Variants in FAM193A observed in about 807,000 individuals in gnomAD.
The protein encoded by FAM193A is protein FAM193A.
In FAM193A, 22 loss-of-function variants were observed where a neutral mutation model predicts 126.5. The ratio of observed to expected loss-of-function variants is 0.17; its 90% CI spans 0.12 to 0.25. FAM193A has a LOEUF of 0.25. FAM193A is among the 10% of genes least tolerant of loss of function. The probability of loss-of-function intolerance (pLI) is 1.00; values close to 1 mark genes in which losing one functional copy is unlikely to be tolerated. For synonymous variants in FAM193A, 761 were observed against 646.8 expected, an observed-to-expected ratio of 1.18 and a Z score of -2.68; for missense variants, 1,675 against 1,672.8, an observed-to-expected ratio of 1.00 and a Z score of -0.02.
In FAM193A at chr4:2,692,344, C is replaced by T. The variant is rs573869353; in HGVS notation, c.2804-1242C>T. 5.3e-5 allele frequency among the ~76,000 whole-genome samples: 8 copies of T among 152,320 alleles called. No homozygotes were observed. In the East Asian group the frequency reaches 7.7e-4, roughly 15 times the overall value. ...AACAGCATGGGGGAAACCATCCCCACGCTTCAGTTGTTTCCACTGGGTCCC... is the reference window on the plus strand; with the variant it reads ...AACAGCATGGGGGAAACCATCCCCATGCTTCAGTTGTTTCCACTGGGTCCC... On this transcript the variant is annotated intron_variant, in intron 15 of 20. Coordinates refer to ENST00000637812, the MANE Select transcript of FAM193A (RefSeq NM_001366318.2).
At chr4:2,665,195 A>G (rs1712970813) in intron 12 of FAM193A, among the ~76,000 whole-genome samples, 1 of 152,216 alleles carries the variant, frequency 6.6e-6, no homozygotes, top group African/African-American at 2.4e-5. Flanking sequence ...TGTCTGGAAT[A>G]TATAAGTATT....
intron 1 of FAM193A, among the ~76,000 whole-genome samples, chr4:2,576,932 T>C (rs951191904): frequency 5.3e-5 from 8 of 152,226 alleles, no homozygotes; most frequent in Non-Finnish European, 1.2e-4. Context: ...GTACCTATTC[T>C]CTGACCAGTC....
At chr4:2,672,462 A>C (rs1268723777) in intron 13 of FAM193A, 90 bp downstream of exon 13, 15 of 1,412,106 alleles carry the variant, frequency 1.1e-5, no homozygotes, top group Middle Eastern at 1.8e-4. Context: ...GTGAATTAGC[A>C]ACTTGCATAG....
intron 12 of FAM193A, among the ~76,000 whole-genome samples, chr4:2,663,555 T>C (rs1712740541): frequency 6.6e-6 from 1 of 152,162 alleles, no homozygotes; most frequent in African/African-American, 2.4e-5. Context: ...AAAAAAATAG[T>C]GGAATATTAA....
chr4:2,545,329 T>C (rs931566513), intron 1 of FAM193A, among the ~76,000 whole-genome samples: 5 of 152,254 alleles, frequency 3.3e-5, no homozygotes, highest in Non-Finnish European at 7.3e-5. Flanking sequence ...ATTTTTGTGC[T>C]AGGGCTCTTT....
At chr4:2,580,312 C>T (rs939072715) in intron 1 of FAM193A, among the ~76,000 whole-genome samples, 1 of 152,084 alleles carries the variant, frequency 6.6e-6, no homozygotes, top group Non-Finnish European at 1.5e-5. Flanking sequence ...GAACAACATA[C>T]ACTGTGGCCT....
intron 2 of FAM193A, among the ~76,000 whole-genome samples, chr4:2,616,064 G>C (rs1742165108): frequency 6.6e-6 from 1 of 152,112 alleles, no homozygotes; most frequent in Admixed American, 6.6e-5. Flanking sequence ...GCCTCCCAAA[G>C]TGCTTGGGTT....
chr4:2,622,881 G>A (rs1221105309), intron 2 of FAM193A, among the ~76,000 whole-genome samples: 2 of 152,050 alleles, frequency 1.3e-5, no homozygotes, highest in Admixed American at 6.6e-5. Flanking sequence ...TTCAACTTAT[G>A]AACGGGGGCG....
intron 1 of FAM193A, among the ~76,000 whole-genome samples, chr4:2,541,530 C>T (rs1230576040): frequency 6.6e-5 from 10 of 150,718 alleles, no homozygotes; most frequent in African/African-American, 2.2e-4. Flanking sequence ...ACTGCAACCT[C>T]CACCTCCTGG....
chr4:2,648,079 T>C (rs1745323660), intron 7 of FAM193A, among the ~76,000 whole-genome samples: 1 of 152,212 alleles, frequency 6.6e-6, no homozygotes, highest in Non-Finnish European at 1.5e-5. Context: ...GGACTAGAGC[T>C]ACAAATGGTC....
chr4:2,622,268 A>AC (rs1371682911), intron 2 of FAM193A, among the ~76,000 whole-genome samples: 8 of 150,276 alleles, frequency 5.3e-5, no homozygotes, highest in Admixed American at 3.3e-4. Context: ...AAAAAAAAAA[A>AC]AAAAAAAAAA....
At chr4:2,691,265 G>T (rs1415354962) in intron 15 of FAM193A, among the ~76,000 whole-genome samples, 6 of 152,152 alleles carry the variant, frequency 3.9e-5, no homozygotes, top group African/African-American at 1.4e-4. Flanking sequence ...GCCCAGGCTG[G>T]AGTGCAGCAG....
chr4:2,590,305 A>G (rs1185697144), intron 1 of FAM193A, among the ~76,000 whole-genome samples: 1 of 151,392 alleles, frequency 6.6e-6, no homozygotes, highest in Non-Finnish European at 1.5e-5. Context: ...CCCCGTCTCT[A>G]CTAACAACGC....
intron 1 of FAM193A, among the ~76,000 whole-genome samples, chr4:2,567,455 A>G (rs1450034057): frequency 3.3e-5 from 5 of 152,156 alleles, no homozygotes; most frequent in South Asian, 2.1e-4. Flanking sequence ...GAGTACTCCT[A>G]AGATCTGGTT....
At chr4:2,572,399 G>A (rs1413884601) in intron 1 of FAM193A, among the ~76,000 whole-genome samples, 1 of 151,998 alleles carries the variant, frequency 6.6e-6, no homozygotes, top group Non-Finnish European at 1.5e-5. Context: ...ATGAGGTTGT[G>A]TACGGTGCCT....
chr4:2,712,789 T>C (rs1719121810), intron 19 of FAM193A, among the ~76,000 whole-genome samples: 1 of 152,122 alleles, frequency 6.6e-6, no homozygotes, highest in South Asian at 2.1e-4. Flanking sequence ...TTGTGGGGTT[T>C]TTTGCTTTTT....
At chr4:2,628,128 C>T (rs565305886) in intron 4 of FAM193A, among the ~76,000 whole-genome samples, 50 of 152,314 alleles carry the variant, frequency 3.3e-4, no homozygotes, top group African/African-American at 1.2e-3. Flanking sequence ...TTGTGATCCA[C>T]CTGCCTCAGC....
intron 7 of FAM193A, among the ~76,000 whole-genome samples, chr4:2,651,552 C>T (rs374776346): frequency 2.9e-4 from 44 of 152,268 alleles, no homozygotes; most frequent in African/African-American, 8.4e-4. Flanking sequence ...TGTGAGAACT[C>T]GCTATCATGA....
At chr4:2,731,041 C>T (rs190358593) in intron 20 of FAM193A, among the ~76,000 whole-genome samples, 1 of 151,432 alleles carries the variant, frequency 6.6e-6, no homozygotes, top group African/African-American at 2.4e-5. Flanking sequence ...ACTAAAAATA[C>T]AAAAATCAGC....
Sources: allele counts gnomAD v4.1 joint callset (sites outside exome capture counted in the v4.1 genomes callset), GRCh38; gene constraint gnomAD v4.1.1; transcripts MANE v1.5; gene names NCBI Gene and HGNC (gene_info 2026-07-23, HGNC 2026-07-21).